Variants in SCIMP observed in about 807,000 individuals in gnomAD.
SCIMP encodes the protein SLP adaptor and CSK interacting membrane protein, also known as SLP adapter and CSK-interacting membrane protein.
In SCIMP, 18 loss-of-function variants were observed where a neutral mutation model predicts 22.0. That is an observed-to-expected ratio of 0.82 (90% confidence interval 0.56 to 1.21). The LOEUF is 1.21. SCIMP is among the 50% of genes most tolerant of loss of function. The pLI is 0.00. For missense variants in SCIMP, 155 were observed against 171.2 expected (o/e 0.91, Z 0.53); for synonymous variants, 53 against 62.2 (o/e 0.85, Z 0.70).
chr17:5,223,833 A>G (rs1374678900), intron 1 of SCIMP, among the ~76,000 whole-genome samples: 3 of 152,158 alleles, frequency 2.0e-5, no homozygotes, highest in Non-Finnish European at 4.4e-5. Flanking sequence ...TACAGACATG[A>G]GCCACCGTGC....
chr17:5,221,139 G>A, intron 3 of SCIMP, 148 bp downstream of exon 3: 2 of 725,874 alleles, frequency 2.8e-6, no homozygotes, highest in Non-Finnish European at 5.1e-6. Context: ...CTGCCCTTAT[G>A]TGGAGAGATT....
Position 5,234,795 on chromosome 17 carries a change from C to T in SCIMP, c.-40G>A, listed in dbSNP as rs377509701. ...GGAGACAGCAGTGGCTGGAGTGCTG[C>T]AGCTCAGGCACAGCTGGTGAGAGGC... On this transcript the variant is annotated 5_prime_UTR_variant, in exon 1 of 5. Coordinates refer to ENST00000574081, the MANE Select transcript of SCIMP (RefSeq NM_207103.3). The T allele has an allele frequency of 7.1e-5, 113 of 1,597,550 alleles. No individual in the cohort carries two copies. The African/African-American group carries it at 1.4e-3, about 19-fold the overall frequency.
At chr17:5,233,249 T>C (rs1035341381) in intron 1 of SCIMP, among the ~76,000 whole-genome samples, 3 of 152,124 alleles carry the variant, frequency 2.0e-5, no homozygotes, top group Admixed American at 6.6e-5. Context: ...CCAAATGTAG[T>C]CCAAGTCCTC....
chr17:5,225,762 GAAA>G (rs140142974), intron 1 of SCIMP, among the ~76,000 whole-genome samples: 7 of 127,082 alleles, frequency 5.5e-5, no homozygotes, highest in East Asian at 4.4e-4. Flanking sequence ...GATTCCATCT[GAAA>G]AAAAAAAAAA....
chr17:5,215,638 AAAC>A (rs1467549194), intron 3 of SCIMP, among the ~76,000 whole-genome samples: 1 of 152,142 alleles, frequency 6.6e-6, no homozygotes, highest in Non-Finnish European at 1.5e-5. Context: ...AAAAAACAAA[AAAC>A]AAAAGCAGAT....
At chr17:5,213,153 C>G (rs2144304730) in intron 4 of SCIMP, 1 of 984,960 alleles carries the variant, frequency 1.0e-6, no homozygotes, top group East Asian at 1.1e-4. Context: ...CCCCATGTTT[C>G]TTTCTGTTTA....
intron 1 of SCIMP, among the ~76,000 whole-genome samples, chr17:5,230,400 G>A (rs1393794077): frequency 1.3e-5 from 2 of 152,216 alleles, no homozygotes; most frequent in Admixed American, 6.6e-5. Context: ...GCTGGGTTAG[G>A]AATGAAGTTT....
At chr17:5,213,702 G>T (rs2074543942) in intron 4 of SCIMP, 1 of 152,164 alleles carries the variant, frequency 6.6e-6, no homozygotes, top group Non-Finnish European at 1.5e-5. Context: ...CAAAAAATTA[G>T]CTGAGTGTGG....
At chr17:5,219,459 C>T (rs1369000174) in intron 3 of SCIMP, among the ~76,000 whole-genome samples, 1 of 151,896 alleles carries the variant, frequency 6.6e-6, no homozygotes, top group Non-Finnish European at 1.5e-5. Context: ...GAAACGCCAT[C>T]TCTACTAAAA....
At chr17:5,226,272 A>G (rs1253217288) in intron 1 of SCIMP, among the ~76,000 whole-genome samples, 1 of 152,150 alleles carries the variant, frequency 6.6e-6, no homozygotes, top group Non-Finnish European at 1.5e-5. Context: ...ACTGGAAAGA[A>G]TAAATTGGCC....
intron 1 of SCIMP, among the ~76,000 whole-genome samples, chr17:5,225,544 T>C (rs1046439576): frequency 6.6e-6 from 1 of 152,092 alleles, no homozygotes; most frequent in Non-Finnish European, 1.5e-5. Flanking sequence ...GCGGATCACA[T>C]GAGGTCAGGA....
chr17:5,225,488 C>T (rs910842082), intron 1 of SCIMP, among the ~76,000 whole-genome samples: 1 of 151,988 alleles, frequency 6.6e-6, no homozygotes, highest in Non-Finnish European at 1.5e-5. Flanking sequence ...AGGCTGGGTG[C>T]AGTGGCTCAC....
chr17:5,230,749 T>C (rs962598043), intron 1 of SCIMP, among the ~76,000 whole-genome samples: 6 of 151,416 alleles, frequency 4.0e-5, no homozygotes, highest in African/African-American at 1.5e-4. Context: ...AGCGAGACTT[T>C]CTCTCTACTG....
intron 3 of SCIMP, among the ~76,000 whole-genome samples, chr17:5,220,387 C>T (rs1026022511): frequency 2.3e-5 from 3 of 133,080 alleles, no homozygotes; most frequent in Non-Finnish European, 4.6e-5. Flanking sequence ...TTGAGACCCA[C>T]AGGAGTTTTA....
At chr17:5,221,661 A>T (rs1347775476) in intron 2 of SCIMP, among the ~76,000 whole-genome samples, 1 of 152,238 alleles carries the variant, frequency 6.6e-6, no homozygotes, top group Non-Finnish European at 1.5e-5. Flanking sequence ...GTAGATGGAC[A>T]TACACGTTGT....
chr17:5,230,285 C>T (rs2144346606), intron 1 of SCIMP, among the ~76,000 whole-genome samples: 1 of 152,302 alleles, frequency 6.6e-6, no homozygotes, highest in Non-Finnish European at 1.5e-5. Context: ...AAGGGCAAAC[C>T]AACCAAGTTC....
At chr17:5,233,202 A>G (rs2074716348) in intron 1 of SCIMP, among the ~76,000 whole-genome samples, 1 of 152,030 alleles carries the variant, frequency 6.6e-6, no homozygotes, top group South Asian at 2.1e-4. Context: ...TCTTTCTCCC[A>G]TGGCCCCATC....
chr17:5,227,385 G>C lies in SCIMP; in HGVS notation c.22-3929C>G, dbSNP rs183599456. ...TAGTCACAGCTACTCAGGAGGTTAA[G>C]CTCCTCCTCAGCTACTCAGGGGGTT... On this transcript the variant is annotated intron_variant, in intron 1 of 4. Transcript: ENST00000574081. 1.2e-4 allele frequency among the ~76,000 whole-genome samples: 18 copies of C among 151,834 alleles called. No homozygotes were observed. The East Asian group carries it at 3.3e-3, about 28-fold the overall frequency.
intron 4 of SCIMP, chr17:5,213,473 G>T: frequency 6.5e-6 from 1 of 154,100 alleles, no homozygotes; most frequent in Non-Finnish European, 1.4e-5. Flanking sequence ...CTGAGCTCAA[G>T]TCATCAGCCC....
Sources: allele counts gnomAD v4.1 joint callset (sites outside exome capture counted in the v4.1 genomes callset), GRCh38; gene constraint gnomAD v4.1.1; transcripts MANE v1.5; gene names NCBI Gene and HGNC (gene_info 2026-07-23, HGNC 2026-07-21).